YAF2: variants seen among roughly 807,000 people sequenced by gnomAD.
The protein encoded by YAF2 is YY1 associated factor 2, also known as YY1-associated factor 2.
Under a neutral mutation model 20.1 loss-of-function variants are expected in YAF2, and 7 were observed. The ratio of observed to expected loss-of-function variants is 0.35; its 90% CI spans 0.20 to 0.65. The LOEUF (loss-of-function observed/expected upper bound fraction) is 0.65, where lower values mean the gene tolerates loss of function less well. Ranked by LOEUF, YAF2 falls within the 30% of genes least tolerant of loss-of-function variation. The pLI, the probability that YAF2 is intolerant of heterozygous loss-of-function variation, is 0.69. For synonymous variants in YAF2, 74 were observed against 76.0 expected (o/e 0.97, Z 0.14); for missense variants, 151 against 219.2 (o/e 0.69, Z 1.96).
At chr12:42,232,603 A>C in intron 2 of YAF2, 1 of 985,454 alleles carries the variant, frequency 1.0e-6, no homozygotes, top group Non-Finnish European at 1.2e-6. Context: ...CTCAGGAACC[A>C]TGCATTTCTT....
intron 2 of YAF2, chr12:42,205,882 G>A (rs2067027073): frequency 2.4e-6 from 1 of 413,424 alleles, no homozygotes; most frequent in African/African-American, 2.1e-5. Context: ...CAACACTTTT[G>A]TTGTGATTTA....
chr12:42,233,937 G>A (rs1299551656), intron 2 of YAF2: 9 of 978,312 alleles, frequency 9.2e-6, no homozygotes, highest in African/African-American at 8.8e-5. Context: ...TTGGGAAGCC[G>A]ACGCAGACGG....
intron 2 of YAF2, among the ~76,000 whole-genome samples, chr12:42,207,181 C>T (rs1202810214): frequency 6.6e-6 from 1 of 152,204 alleles, no homozygotes; most frequent in Non-Finnish European, 1.5e-5. Context: ...AGACATGCAG[C>T]AGTAGATTCA....
chr12:42,189,646 T>C (rs1387102818), intron 2 of YAF2, among the ~76,000 whole-genome samples: 6 of 152,210 alleles, frequency 3.9e-5, no homozygotes, highest in Non-Finnish European at 7.4e-5. Context: ...ATGTTTATGA[T>C]ACATACATTA....
chr12:42,188,723 T>C (rs2066537490), intron 2 of YAF2, among the ~76,000 whole-genome samples: 1 of 151,998 alleles, frequency 6.6e-6, no homozygotes, highest in Non-Finnish European at 1.5e-5. Flanking sequence ...GTTCTAAGTA[T>C]TCACATGTAC....
chr12:42,227,737 G>A (rs376058975), intron 2 of YAF2, among the ~76,000 whole-genome samples: 30,268 of 147,982 alleles, frequency 0.2, 3,137 homozygotes, highest in Admixed American at 0.25. Flanking sequence ...CACCCCGTCC[G>A]GGAGGGAGGT....
chr12:42,171,445 A>G (rs1456093178), intron 2 of YAF2, among the ~76,000 whole-genome samples: 1 of 152,038 alleles, frequency 6.6e-6, no homozygotes, highest in Non-Finnish European at 1.5e-5. Context: ...CACTATGATC[A>G]TACCTCTGAA....
At chr12:42,175,772 T>TAAAAAAAAAAAAAAAAAAAA (rs1277338221) in intron 2 of YAF2, among the ~76,000 whole-genome samples, 38 of 88,822 alleles carry the variant, frequency 4.3e-4, no homozygotes, top group Non-Finnish European at 6.8e-4. Context: ...AAAAAAAAAT[T>TAAAAAAAAAAAAAAAAAAAA]AAAACAGGAA....
intron 2 of YAF2, among the ~76,000 whole-genome samples, chr12:42,165,821 G>T (rs552071628): frequency 7.5e-6 from 1 of 133,910 alleles, no homozygotes; most frequent in Non-Finnish European, 1.5e-5. Context: ...CTCATCAACT[G>T]TCATGCCTAA....
At chr12:42,237,994 C>T (rs1311556185) in intron 1 of YAF2, among the ~76,000 whole-genome samples, 161 bp downstream of exon 1, 3 of 148,240 alleles carry the variant, frequency 2.0e-5, no homozygotes, top group Non-Finnish European at 4.5e-5. Context: ...CATTGTGGGG[C>T]GGCCGGCGCC....
intron 2 of YAF2, among the ~76,000 whole-genome samples, chr12:42,227,742 G>A (rs2067778164): frequency 6.7e-6 from 1 of 150,154 alleles, no homozygotes; most frequent in Non-Finnish European, 1.5e-5. Context: ...CGTCCGGGAG[G>A]GAGGTGGGGG....
chr12:42,207,678 G>C (rs1017048245), intron 2 of YAF2, among the ~76,000 whole-genome samples: 2 of 151,292 alleles, frequency 1.3e-5, no homozygotes, highest in Non-Finnish European at 3.0e-5. Flanking sequence ...AGATCACAAG[G>C]TCAGGCGATC....
At chr12:42,232,641 A>G in intron 2 of YAF2, 3 of 985,440 alleles carry the variant, frequency 3.0e-6, no homozygotes, top group Non-Finnish European at 3.6e-6. Flanking sequence ...GATGGTCCTC[A>G]ATTTTTTTCT....
intron 2 of YAF2, among the ~76,000 whole-genome samples, chr12:42,193,645 T>C (rs2066674031): frequency 6.6e-6 from 1 of 152,096 alleles, no homozygotes. Context: ...TAGCTAGGAC[T>C]ACAGATGCAT....
intron 2 of YAF2, among the ~76,000 whole-genome samples, chr12:42,225,330 T>C (rs577658058): frequency 1.4e-4 from 22 of 152,364 alleles, no homozygotes; most frequent in African/African-American, 5.3e-4. Flanking sequence ...ACTCTGATGA[T>C]AGTTTCTTTT....
At chr12:42,210,316 G>A (rs12300049) in intron 2 of YAF2, 3 of 1,378,020 alleles carry the variant, frequency 2.2e-6, no homozygotes, top group African/African-American at 1.4e-5. Flanking sequence ...AATTTGGGGG[G>A]AAAAAAAATC....
chr12:42,236,150 T>C (rs1297345848), intron 2 of YAF2, among the ~76,000 whole-genome samples: 1 of 152,212 alleles, frequency 6.6e-6, no homozygotes, highest in Admixed American at 6.5e-5. Context: ...AAAAAACGAA[T>C]TTTCTAAAAA....
chr12:42,223,088 G>A (rs1397016535), intron 2 of YAF2, among the ~76,000 whole-genome samples: 7 of 152,064 alleles, frequency 4.6e-5, no homozygotes, highest in Non-Finnish European at 7.4e-5. Context: ...ACAACCCTAT[G>A]AGACTGGTGA....
At chr12:42,233,706 T>A in intron 2 of YAF2, 1 of 863,720 alleles carries the variant, frequency 1.2e-6, no homozygotes, top group Non-Finnish European at 1.4e-6. Context: ...AGAGACGAGA[T>A]CTCACTGTGT....
Sources: allele counts gnomAD v4.1 joint callset (sites outside exome capture counted in the v4.1 genomes callset), GRCh38; gene constraint gnomAD v4.1.1; transcripts MANE v1.5; gene names NCBI Gene and HGNC (gene_info 2026-07-23, HGNC 2026-07-21).